SBF2: variants seen among roughly 807,000 people sequenced by gnomAD.
SBF2 encodes the protein myotubularin-related protein 13.
Under a neutral mutation model 225.2 loss-of-function variants are expected in SBF2, and 112 were observed. That is an observed-to-expected ratio of 0.50 (90% CI 0.43 to 0.58). The LOEUF is 0.58. SBF2 is among the 20% of genes least tolerant of loss of function. The pLI is 0.00. For synonymous variants in SBF2, 763 were observed against 773.3 expected (o/e 0.99, Z 0.22); for missense variants, 1,996 against 2,206.2 (o/e 0.90, Z 1.91).
intron 17 of SBF2, among the ~76,000 whole-genome samples, chr11:9,862,256 T>C (rs1857814251): frequency 6.6e-6 from 1 of 152,214 alleles, no homozygotes; most frequent in African/African-American, 2.4e-5. Context: ...CAGGGAGCAC[T>C]GTGTCCCTCA....
intron 12 of SBF2, among the ~76,000 whole-genome samples, chr11:9,990,734 T>C (rs1170168446): frequency 1.3e-5 from 2 of 152,196 alleles, no homozygotes; most frequent in East Asian, 3.9e-4. Context: ...ATCTAGACTA[T>C]ATTTGTACAA....
intron 1 of SBF2, among the ~76,000 whole-genome samples, chr11:10,257,248 C>G (rs1960940716): frequency 6.6e-6 from 1 of 152,134 alleles, no homozygotes; most frequent in Non-Finnish European, 1.5e-5. Flanking sequence ...GATTTTATAG[C>G]ATTGACTAAT....
At chr11:10,106,643 A>AAC (rs1555026680) in intron 2 of SBF2, among the ~76,000 whole-genome samples, 4 of 151,468 alleles carry the variant, frequency 2.6e-5, no homozygotes, top group Non-Finnish European at 4.4e-5. Context: ...AAAAAAAAAA[A>AAC]AAAAAACCCA....
chr11:9,851,559 GA>G (rs149783237), intron 21 of SBF2, among the ~76,000 whole-genome samples: 1 of 150,392 alleles, frequency 6.6e-6, no homozygotes, highest in African/African-American at 2.4e-5. Context: ...TTAGGGCTAG[GA>G]AAAAAAAATC....
rs139621972 is a variant in SBF2 at position 10,213,206 on chromosome 11, G to C, written c.56-19219C>G. ...GGATGCCAGCATTTCTCTCACTGTT[G>C]TATTTTCTTAAAGGTAGTAGAGAAC... On this transcript the variant is annotated intron_variant, in intron 1 of 39. Coordinates refer to ENST00000256190, the MANE Select transcript of SBF2 (RefSeq NM_030962.4). 3.8e-3 allele frequency among the ~76,000 whole-genome samples: 580 copies of C among 152,288 alleles called. 4 individuals carry two copies. The highest frequency in any genetic ancestry group is 5.4e-3 in the South Asian group (26 of 4,826).
intron 2 of SBF2, among the ~76,000 whole-genome samples, chr11:10,087,542 C>A (rs1951619448): frequency 6.6e-6 from 1 of 152,148 alleles, no homozygotes; most frequent in Non-Finnish European, 1.5e-5. Context: ...CTGCCCATAT[C>A]TGGCTAAAAC....
chr11:10,240,577 T>C (rs1304034506), intron 1 of SBF2, among the ~76,000 whole-genome samples: 1 of 152,228 alleles, frequency 6.6e-6, no homozygotes, highest in Non-Finnish European at 1.5e-5. Flanking sequence ...AGTTTGGTGG[T>C]ATGACTAAAA....
At chr11:10,125,720 C>G (rs1170784549) in intron 2 of SBF2, among the ~76,000 whole-genome samples, 2 of 152,178 alleles carry the variant, frequency 1.3e-5, no homozygotes, top group Non-Finnish European at 2.9e-5. Flanking sequence ...CAGATTTCCC[C>G]AGTGTTTCCA....
chr11:10,254,126 G>A (rs183710686), intron 1 of SBF2, among the ~76,000 whole-genome samples: 32 of 152,134 alleles, frequency 2.1e-4, no homozygotes, highest in Non-Finnish European at 3.7e-4. Context: ...GCTCATGCCT[G>A]TAATCCCCAC....
intron 2 of SBF2, among the ~76,000 whole-genome samples, chr11:10,100,786 T>C (rs1025682866): frequency 7.9e-5 from 12 of 152,184 alleles, no homozygotes; most frequent in Middle Eastern, 3.4e-3. Flanking sequence ...TTGGTTTGGC[T>C]CCATCAGGGG....
chr11:10,026,523 G>A (rs1379358968), intron 6 of SBF2, among the ~76,000 whole-genome samples: 1 of 152,114 alleles, frequency 6.6e-6, no homozygotes. Flanking sequence ...TTGAGCCCAG[G>A]AGTCTGAGAA....
chr11:9,781,908 C>A (rs984338848), intron 38 of SBF2, among the ~76,000 whole-genome samples: 1 of 152,042 alleles, frequency 6.6e-6, no homozygotes, highest in African/African-American at 2.4e-5. Flanking sequence ...CAAGGCTGGG[C>A]ATGGTGGTTT....
At chr11:10,003,697 TC>T (rs1948072318) in intron 6 of SBF2, among the ~76,000 whole-genome samples, 1 of 152,058 alleles carries the variant, frequency 6.6e-6, no homozygotes, top group African/African-American at 2.4e-5. Context: ...TTCTCTTTTT[TC>T]CTTCTTTTCA....
chr11:9,834,880 A>C (rs1371052007), intron 26 of SBF2, among the ~76,000 whole-genome samples: 1 of 152,182 alleles, frequency 6.6e-6, no homozygotes, highest in Non-Finnish European at 1.5e-5. Flanking sequence ...CCCTGTAGTG[A>C]GCCATCTCCT....
intron 2 of SBF2, among the ~76,000 whole-genome samples, chr11:10,060,157 A>G (rs1035624529): frequency 6.6e-6 from 1 of 152,160 alleles, no homozygotes; most frequent in Non-Finnish European, 1.5e-5. Flanking sequence ...GAAAAGAGAG[A>G]AAACCCAAAT....
chr11:10,051,462 A>G (rs762745303), intron 2 of SBF2, among the ~76,000 whole-genome samples: 1 of 152,080 alleles, frequency 6.6e-6, no homozygotes, highest in South Asian at 2.1e-4. Context: ...AATCCAATAG[A>G]CTTCTTCAAA....
chr11:10,064,801 AG>A, intron 2 of SBF2, among the ~76,000 whole-genome samples: 1 of 152,346 alleles, frequency 6.6e-6, no homozygotes, highest in South Asian at 2.1e-4. Flanking sequence ...GAACAGCAAG[AG>A]GGAAGAGGCA....
At chr11:10,007,130 T>C (rs11042586) in intron 6 of SBF2, among the ~76,000 whole-genome samples, 13,595 of 152,216 alleles carry the variant, frequency 0.089, 794 homozygotes, top group East Asian at 0.27. Flanking sequence ...CTCTCTGTTC[T>C]CTCTGGTATC....
intron 17 of SBF2, among the ~76,000 whole-genome samples, chr11:9,869,384 T>A (rs986481160): frequency 6.6e-6 from 1 of 152,126 alleles, no homozygotes; most frequent in Non-Finnish European, 1.5e-5. Context: ...AGTGGCGCGA[T>A]CTCAGCTCAC....
Sources: allele counts gnomAD v4.1 joint callset (sites outside exome capture counted in the v4.1 genomes callset), GRCh38; gene constraint gnomAD v4.1.1; transcripts MANE v1.5; gene names NCBI Gene and HGNC (gene_info 2026-07-23, HGNC 2026-07-21).